ZXDC: variants seen among roughly 807,000 people sequenced by gnomAD.
ZXDC encodes the protein zinc finger protein ZXDC.
In ZXDC, 58 loss-of-function variants were observed where a neutral mutation model predicts 63.6. The ratio of observed to expected loss-of-function variants is 0.91; its 90% CI spans 0.74 to 1.13. The LOEUF is 1.13. Among genes scored for constraint, ZXDC ranks in the 50% most tolerant of loss-of-function variants. The pLI is 0.00. For synonymous variants in ZXDC, 561 were observed against 496.1 expected, an observed-to-expected ratio of 1.13 and a Z score of -1.74; for missense variants, 1,133 against 1,148.9, an observed-to-expected ratio of 0.99 and a Z score of 0.20.
At chr3:126,449,073 A>G (rs962877309) in intron 7 of ZXDC, among the ~76,000 whole-genome samples, 1 of 152,280 alleles carries the variant, frequency 6.6e-6, no homozygotes, top group Non-Finnish European at 1.5e-5. Flanking sequence ...AGAAGAGTAA[A>G]TGTAGCAGGA....
Position 126,475,144 on chromosome 3 carries a change from G to C in ZXDC, c.722C>G (p.Pro241Arg), listed in dbSNP as rs767383817. ...GAACTTCTTGCCACAGCCGCCCACT[G>C]GACAGCCGAAGGGCCGCAGCTTGTC... Reference protein sequence around the residue: ...SHDKLRPFGCPVGGCGKKFTT... With the variant: ...SHDKLRPFGCRVGGCGKKFTT... The change falls in exon 1 of 10, where the codon CCA becomes CGA. Residue 241 changes from proline (P) to arginine (R), a missense_variant. By Grantham distance (103) the Pro-to-Arg change is moderately radical. Transcript: ENST00000389709. The C allele has an allele frequency of 1.2e-6, 2 of 1,608,922 alleles. No homozygotes were observed. Among genetic ancestry groups the C allele is most frequent in the Non-Finnish European group, 1.7e-6 (2 of 1,177,740 alleles).
In ZXDC at chr3:126,440,090, G is replaced by T. The variant is rs1933618845; in HGVS notation, c.2395-363C>A. 3.8e-6 allele frequency: 4 copies of T among 1,047,854 alleles called. No homozygotes were observed. The African/African-American group carries it at 6.8e-5, about 18-fold the overall frequency. The allele number at this position is 1,047,854 out of a possible 1,614,324, so 64.9% of individuals were successfully genotyped here. On this transcript the variant is annotated intron_variant, in intron 8 of 9. Coordinates refer to ENST00000389709, the MANE Select transcript of ZXDC (RefSeq NM_025112.5). ...CCCACCAACCTTGTGTACCCAGAGTGCTCTCCAGCAAATCCTCGGGCCCCA... is the reference window on the plus strand; with the variant it reads ...CCCACCAACCTTGTGTACCCAGAGTTCTCTCCAGCAAATCCTCGGGCCCCA...
At chr3:126,447,751 C>T (rs900226540) in intron 7 of ZXDC, among the ~76,000 whole-genome samples, 5 of 152,212 alleles carry the variant, frequency 3.3e-5, no homozygotes, top group African/African-American at 9.6e-5. Flanking sequence ...CATCAACTGC[C>T]CTGTTCGGCC....
intron 6 of ZXDC, chr3:126,460,942 T>G: frequency 1.0e-6 from 1 of 984,328 alleles, no homozygotes; most frequent in Non-Finnish European, 1.2e-6. Context: ...AAAGTCAGAC[T>G]ATCTCCTAAG....
intron 7 of ZXDC, among the ~76,000 whole-genome samples, chr3:126,450,935 C>T (rs1020378974): frequency 2.6e-5 from 4 of 152,152 alleles, no homozygotes; most frequent in African/African-American, 7.2e-5. Flanking sequence ...CAGGGGGTCC[C>T]GGGGTGGCCA....
At chr3:126,446,342 G>A (rs1411236958) in intron 7 of ZXDC, among the ~76,000 whole-genome samples, 5 of 152,182 alleles carry the variant, frequency 3.3e-5, no homozygotes, top group Non-Finnish European at 7.3e-5. Flanking sequence ...GGAGCTGGAC[G>A]ATCCAGCTAT....
In ZXDC at chr3:126,446,021, G is replaced by A. The variant is rs192611211; in HGVS notation, c.2213-4075C>T. Among the ~76,000 whole-genome samples, 76 of 152,274 alleles carry A rather than the reference G, an allele frequency of 5.0e-4. 1 individual carries two copies. The East Asian group carries it at 8.7e-3, about 17-fold the overall frequency. ...CCCTGGGTCCTCACTAGTAAAGGGC[G>A]CCATGGCATCAAATGCAATATGATC... On this transcript the variant is annotated intron_variant, in intron 7 of 9. Coordinates refer to ENST00000389709, the MANE Select transcript of ZXDC (RefSeq NM_025112.5).
At chr3:126,463,435 A>T (rs1934637092) in intron 5 of ZXDC, among the ~76,000 whole-genome samples, 1 of 152,218 alleles carries the variant, frequency 6.6e-6, no homozygotes, top group Non-Finnish European at 1.5e-5. Context: ...TACTCTTTAA[A>T]TATTTGATTA....
At chr3:126,464,313 C>T (rs1171941320) in intron 5 of ZXDC, among the ~76,000 whole-genome samples, 2 of 152,232 alleles carry the variant, frequency 1.3e-5, no homozygotes, top group Non-Finnish European at 2.9e-5. Flanking sequence ...GCCCTTCTTG[C>T]AGGTGTGACC....
chr3:126,458,911 A>C, intron 7 of ZXDC: 1 of 985,062 alleles, frequency 1.0e-6, no homozygotes, highest in African/African-American at 1.7e-5. Flanking sequence ...TTAACAGAAA[A>C]CCGGCAATTG....
intron 7 of ZXDC, chr3:126,457,226 T>A (rs1934343561): frequency 1.0e-6 from 1 of 982,036 alleles, no homozygotes; most frequent in South Asian, 4.7e-5. Context: ...TCAGCTGTGA[T>A]AAATGCAGCA....
intron 7 of ZXDC, chr3:126,452,911 A>AT (rs201707035): frequency 0.039 from 22,683 of 581,574 alleles, 430 homozygotes; most frequent in Middle Eastern, 0.049. Flanking sequence ...GCTAATTATT[A>AT]TTTTTTTTAC....
At chr3:126,467,489 G>T (rs796343230) in intron 4 of ZXDC, among the ~76,000 whole-genome samples, 5 of 152,328 alleles carry the variant, frequency 3.3e-5, no homozygotes, top group African/African-American at 1.2e-4. Flanking sequence ...TCTTAAGACG[G>T]TGGGGTGGTA....
intron 4 of ZXDC, among the ~76,000 whole-genome samples, chr3:126,467,465 C>T (rs758774086): frequency 6.6e-6 from 1 of 152,196 alleles, no homozygotes; most frequent in Non-Finnish European, 1.5e-5. Context: ...AGCAACGACG[C>T]ACTCGCGGCA....
In ZXDC at chr3:126,466,159, G is replaced by C. The variant is rs766269504; in HGVS notation, c.1437C>G (p.Arg479=). Residue 479 remains arginine (R), a synonymous_variant, in exon 5 of 10, where the codon CGC becomes CGG. Coordinates refer to ENST00000389709, the MANE Select transcript of ZXDC (RefSeq NM_025112.5). ...GGGGCCGTGGAAAGTGCAGACCTTG[G>C]CGCCGGCTGTGCTGTCTGACCATGT... ...KAHMVRQHSR[R]QDLLPQLEAP... is the part of the protein sequence containing the mutation. The C allele has an allele frequency of 2.6e-5, 42 of 1,612,590 alleles. No individual in the cohort carries two copies. The highest frequency in any genetic ancestry group is 4.2e-6 in the Non-Finnish European group (5 of 1,179,190).
chr3:126,458,305 C>T (rs1298319303), intron 7 of ZXDC, among the ~76,000 whole-genome samples: 2 of 149,614 alleles, frequency 1.3e-5, no homozygotes, highest in Non-Finnish European at 3.0e-5. Context: ...GGCACAATCT[C>T]GGCTCACTGC....
At chr3:126,465,999 C>G (rs1428100793) in intron 5 of ZXDC, among the ~76,000 whole-genome samples, 156 bp downstream of exon 5, 1 of 152,152 alleles carries the variant, frequency 6.6e-6, no homozygotes, top group Non-Finnish European at 1.5e-5. Context: ...AAGAAAGTGG[C>G]AGAGAGTGCA....
chr3:126,458,646 C>T (rs934917405), intron 7 of ZXDC: 21 of 985,264 alleles, frequency 2.1e-5, no homozygotes, highest in African/African-American at 1.7e-4. Flanking sequence ...AAATAGGACA[C>T]GTGTTATATA....
intron 9 of ZXDC, among the ~76,000 whole-genome samples, chr3:126,439,361 G>A (rs139613568): frequency 6.6e-6 from 1 of 152,184 alleles, no homozygotes. Flanking sequence ...TCTTCCCAGA[G>A]AATTAACTGG....
Sources: allele counts gnomAD v4.1 joint callset (sites outside exome capture counted in the v4.1 genomes callset), GRCh38; gene constraint gnomAD v4.1.1; transcripts MANE v1.5; gene names NCBI Gene and HGNC (gene_info 2026-07-23, HGNC 2026-07-21).